The following KNDC1 variants were observed in gnomAD, a reference collection of about 807,000 sequenced individuals.
The protein encoded by KNDC1 is kinase non-catalytic C-lobe domain-containing protein 1.
In KNDC1, 106 loss-of-function variants were observed where a neutral mutation model predicts 172.8. The ratio of observed to expected loss-of-function variants is 0.61; its 90% CI spans 0.52 to 0.72. The LOEUF (loss-of-function observed/expected upper bound fraction) is 0.72. KNDC1 is among the 30% of genes least tolerant of loss of function. The pLI is 0.00. For missense variants in KNDC1, 2,325 were observed against 2,394.5 expected (o/e 0.97, Z 0.61); for synonymous variants, 1,083 against 1,062.2 (o/e 1.02, Z -0.38).
At chr10:133,178,508 CAG>C (rs1853623346) in intron 3 of KNDC1, among the ~76,000 whole-genome samples, 2 of 152,260 alleles carry the variant, frequency 1.3e-5, no homozygotes, top group African/African-American at 4.8e-5. Context: ...CACGTAACCA[CAG>C]AGCCTCGGCC....
intron 6 of KNDC1, among the ~76,000 whole-genome samples, chr10:133,187,084 C>T (rs1370077701): frequency 2.0e-5 from 3 of 152,256 alleles, no homozygotes; most frequent in East Asian, 3.9e-4. Flanking sequence ...TCTTCCTATT[C>T]TGACGGTTTA....
chr10:133,183,483 A>G lies in KNDC1; in HGVS notation c.500A>G (p.Asp167Gly). The G allele has an allele frequency of 6.2e-7, 1 of 1,601,838 alleles. No individual in the cohort carries two copies. The highest frequency in any genetic ancestry group is 8.5e-7 in the Non-Finnish European group (1 of 1,176,836). ...MQAEDPGDRP[D>G]LESIIALCEE... ...GCGGAGGACCCCGGGGACCGGCCGG[A>G]CCTTGAGGTAAGCGAGGCTGCCCTG... Residue 167 changes from aspartate to glycine, a missense_variant, in exon 4 of 30, where the codon GAC (aspartate) becomes GGC (glycine). Physicochemically the swap from Asp to Gly is moderately conservative, Grantham distance 94. Transcript: ENST00000304613.
At chr10:133,220,864 G>A (rs576405086) in intron 29 of KNDC1, among the ~76,000 whole-genome samples, 31 of 152,110 alleles carry the variant, frequency 2.0e-4, no homozygotes, top group Non-Finnish European at 3.8e-4. Flanking sequence ...GAGGGGCTCA[G>A]ATGGGCGCAT....
chr10:133,192,624 A>G lies in KNDC1; in HGVS notation c.1575+2811A>G, dbSNP rs116382525. On this transcript the variant is annotated intron_variant, in intron 9 of 29. Transcript: ENST00000304613. ...ACCAAGGAATAGAAAAGAAAAAGAA[A>G]AAGCTAATGGAAATTTTAGAGCTGA... Among the ~76,000 whole-genome samples the G allele has an allele frequency of 3.8e-3, 582 of 152,324 alleles. 4 individuals carry two copies. The highest frequency in any genetic ancestry group is 0.013 in the African/African-American group (556 of 41,570).
rs1269871798 is a variant in KNDC1, at chr10:133,163,470, G to A, written c.102+2901G>A. ...TGACATCTGTGCCAGGATGAGCTCA[G>A]AGCAGAAGGCACCTCGGGAGCAGAG... is the stretch of plus-strand genomic sequence containing the variant. On this transcript the variant is annotated intron_variant, in intron 1 of 29. Coordinates refer to ENST00000304613, the MANE Select transcript of KNDC1 (RefSeq NM_152643.8). The surrounding 1 kb of genome is among the most constrained non-coding windows in gnomAD (Gnocchi z 4.4). Among the ~76,000 whole-genome samples the A allele has an allele frequency of 1.3e-5, 2 of 152,184 alleles. No homozygotes were observed. The highest frequency in any genetic ancestry group is 2.9e-5 in the Non-Finnish European group (2 of 68,024).
rs573566597 is a variant in KNDC1 at position 133,222,225 on chromosome 10, G to A, written c.5018+2113G>A. Among the ~76,000 whole-genome samples the A allele has an allele frequency of 4.0e-3, 598 of 148,732 alleles. 11 individuals carry two copies. The highest frequency in any genetic ancestry group is 0.029 in the East Asian group (140 of 4,852). On this transcript the variant is annotated intron_variant, in intron 29 of 29. Transcript: ENST00000304613. Reference sequence around the variant, plus strand: ...GTGAACCCGGGAGGCGGAGCTTCCAGTGAGCCGAGATCGCGCCACCGCACT... The same window carrying A: ...GTGAACCCGGGAGGCGGAGCTTCCAATGAGCCGAGATCGCGCCACCGCACT...
intron 1 of KNDC1, among the ~76,000 whole-genome samples, chr10:133,166,838 C>T (rs1394669487): frequency 6.6e-6 from 1 of 152,098 alleles, no homozygotes; most frequent in African/African-American, 2.4e-5. Context: ...GAGGTGAGCC[C>T]ACATGGGGGC....
rs778046331 is a variant in KNDC1 at position 133,201,462 on chromosome 10, G to A, written c.2990-39G>A. ...CAGCCTGCCCGGGCTCCGCCCACAG[G>A]AGCCACTGTCCACGTAACCTGCGTC... is the stretch of plus-strand genomic sequence containing the variant. On this transcript the variant is annotated intron_variant, in intron 16 of 29. Transcript: ENST00000304613. 6 of 1,547,556 alleles carry A rather than the reference G, an allele frequency of 3.9e-6. No homozygotes were observed. In the African/African-American group the frequency reaches 4.1e-5, roughly 11 times the overall value.
At chr10:133,188,916 C>T (rs1241052416) in intron 7 of KNDC1, among the ~76,000 whole-genome samples, 2 of 151,932 alleles carry the variant, frequency 1.3e-5, no homozygotes, top group Non-Finnish European at 2.9e-5. Context: ...GTTGCAGCAC[C>T]GAGGGAGGTG....
At chr10:133,197,171 C>A in intron 11 of KNDC1, 36 bp downstream of exon 11, 1 of 1,532,704 alleles carries the variant, frequency 6.5e-7, no homozygotes, top group Non-Finnish European at 9.0e-7. Flanking sequence ...CCTCCTCCGC[C>A]GCGCTTAGCT....
chr10:133,202,184 G>A (rs536281889), intron 17 of KNDC1: 2 of 678,866 alleles, frequency 2.9e-6, no homozygotes, highest in South Asian at 3.0e-5. Flanking sequence ...TGGGTTCACA[G>A]GAGGCCCCTC....
intron 3 of KNDC1, among the ~76,000 whole-genome samples, chr10:133,177,519 T>C (rs896647698): frequency 2.9e-5 from 4 of 136,460 alleles, no homozygotes; most frequent in Non-Finnish European, 4.9e-5. Context: ...GTGTGTAATG[T>C]GTGTGCATGC....
intron 3 of KNDC1, among the ~76,000 whole-genome samples, chr10:133,178,526 C>T (rs1046222159): frequency 2.0e-5 from 3 of 152,094 alleles, no homozygotes; most frequent in African/African-American, 4.8e-5. Flanking sequence ...CGGCCACGCT[C>T]GGAAACGTTC....
intron 29 of KNDC1, among the ~76,000 whole-genome samples, chr10:133,222,288 A>AG (rs1449774780): frequency 6.6e-6 from 1 of 151,732 alleles, no homozygotes; most frequent in Admixed American, 6.6e-5. Context: ...GTCTCAAAAA[A>AG]AAAAAAAAAC....
In KNDC1 at chr10:133,198,673, G is replaced by A. The variant is rs1226431717; in HGVS notation, c.2165G>A (p.Gly722Glu). The part of the protein sequence containing the change: ...EEKLSLEAHA[G>E]SPSLKTPDGP... ...AAGCTCTCCCTGGAGGCCCACGCTG[G>A]GTCCCCCAGCCTGAAGACGCCTGAC... Residue 722 changes from glycine to glutamate, a missense_variant, in exon 14 of 30, where the codon GGG (glycine) becomes GAG (glutamate). Gly to Glu is a moderately conservative substitution (Grantham distance 98). Transcript: ENST00000304613. 6.3e-7 allele frequency: 1 copy of A among 1,593,622 alleles called. No homozygotes were observed. Among genetic ancestry groups the A allele is most frequent in the South Asian group, 1.1e-5 (1 of 88,386 alleles).
intron 29 of KNDC1, among the ~76,000 whole-genome samples, chr10:133,223,328 T>TGC: frequency 1.7e-5 from 1 of 59,394 alleles, no homozygotes; most frequent in Admixed American, 1.7e-4. Flanking sequence ...GGCGTGTGTG[T>TGC]GTGTGTGTGA....
intron 1 of KNDC1, among the ~76,000 whole-genome samples, chr10:133,166,194 C>T (rs1397947884): frequency 1.3e-5 from 2 of 152,120 alleles, no homozygotes; most frequent in Non-Finnish European, 2.9e-5. Flanking sequence ...CAGCCAGAGC[C>T]GCCCTGTGCA....
In KNDC1 at chr10:133,222,087, G is replaced by C. The variant is rs71503784; in HGVS notation, c.5018+1975G>C. On this transcript the variant is annotated intron_variant, in intron 29 of 29. Transcript: ENST00000304613. Reference sequence around the variant, plus strand: ...ACTTGAGGTCAGGAGTTCAAGACCAGCCTGGCCAACATGGTGAAACCCCAT... The same window carrying C: ...ACTTGAGGTCAGGAGTTCAAGACCACCCTGGCCAACATGGTGAAACCCCAT... Among the ~76,000 whole-genome samples, 152 of 131,998 alleles carry C rather than the reference G, an allele frequency of 1.2e-3. 6 individuals are homozygous for C. Among genetic ancestry groups the C allele is most frequent in the Non-Finnish European group, 2.0e-4 (12 of 58,820 alleles). 86.6% of individuals were successfully genotyped at this position (131,998 alleles called of 152,430 possible). A position where few individuals can be genotyped will look rare whatever the true frequency, so the allele number is the denominator to read the frequency against.
Position 133,224,787 on chromosome 10 carries a change from C to T in KNDC1, c.5147C>T (p.Thr1716Ile), listed in dbSNP as rs1845687753. The change falls in exon 30 of 30, where the codon ACA becomes ATA. Residue 1716 changes from threonine (T) to isoleucine (I), a missense_variant. Coordinates refer to ENST00000304613, the MANE Select transcript of KNDC1 (RefSeq NM_152643.8). This position sits in a 1 kb window ranked among gnomAD's most constrained non-coding sequence, Gnocchi z 5.4. ...CGCTTCAGCGGTGCCGACATTTCCA[C>T]ACTCGCCGCAGATAGCAGGGCCAAC... ...IARFSGADISTLAADSRANFH... is the reference protein window; with the variant it reads ...IARFSGADISILAADSRANFH... The T allele has an allele frequency of 6.2e-7, 1 of 1,614,142 alleles. No homozygotes were observed. Among genetic ancestry groups the T allele is most frequent in the African/African-American group, 1.3e-5 (1 of 75,060 alleles).
Sources: gnomAD v4.1 joint callset for allele counts (sites outside exome capture counted in the v4.1 genomes callset) on GRCh38, gnomAD v4.1.1 for gene constraint, Gnocchi (gnomAD v3.1) non-coding constraint, MANE v1.5 for transcripts, NCBI Gene and HGNC (gene_info 2026-07-23, HGNC 2026-07-21) for gene names.